The following C9orf72 variants were observed in gnomAD, a reference collection of about 807,000 sequenced individuals.
C9orf72 encodes guanine nucleotide exchange factor C9orf72.
In C9orf72, 44 loss-of-function variants were observed where a neutral mutation model predicts 51.6. That is an observed-to-expected ratio of 0.85 (90% CI 0.67 to 1.10). The LOEUF is 1.10. Among genes scored for constraint, C9orf72 ranks in the 50% least tolerant of loss-of-function variants. The pLI, the probability that C9orf72 is intolerant of heterozygous loss-of-function variation, is 0.00. For synonymous variants in C9orf72, 213 were observed against 194.2 expected (o/e 1.10, Z -0.81); for missense variants, 607 against 570.6 (o/e 1.06, Z -0.65).
Position 27,547,737 on chromosome 9 carries a change from T to G in C9orf72, c.*499A>C, listed in dbSNP as rs1820797838. Reference sequence around the variant, plus strand: ...GCTTGATCAATTTTCTTTCTAAAGCTCATCCTATGTTCAAGCTCACTTTCT... The same window carrying G: ...GCTTGATCAATTTTCTTTCTAAAGCGCATCCTATGTTCAAGCTCACTTTCT... On this transcript the variant is annotated 3_prime_UTR_variant, in exon 11 of 11. Coordinates refer to ENST00000380003, the MANE Select transcript of C9orf72 (RefSeq NM_018325.5). 6.6e-6 allele frequency: 1 copy of G among 152,660 alleles called. No homozygotes were observed. The highest frequency in any genetic ancestry group is 1.5e-5 in the Non-Finnish European group (1 of 68,062). The allele number at this position is 152,660 out of a possible 1,614,324, so 9.5% of individuals were successfully genotyped here.
chr9:27,549,841 G>A (rs545895460), intron 9 of C9orf72, among the ~76,000 whole-genome samples: 9 of 149,992 alleles, frequency 6.0e-5, no homozygotes, highest in South Asian at 2.1e-4. Context: ...GTTGTTTGAC[G>A]TATGGAATGC....
At chr9:27,560,878 G>T in intron 5 of C9orf72, 2 of 596,336 alleles carry the variant, frequency 3.4e-6, no homozygotes, top group Non-Finnish European at 4.2e-6. Context: ...GATAATACAT[G>T]TAAAGCAACT....
intron 4 of C9orf72, 76 bp downstream of exon 4, chr9:27,562,305 A>G: frequency 1.9e-6 from 1 of 517,924 alleles, no homozygotes; most frequent in Non-Finnish European, 3.1e-6. Context: ...TAAAATTAGA[A>G]TATTAATAAT....
chr9:27,558,648 A>G (rs749267596), intron 6 of C9orf72, 41 bp from the exon 7 acceptor site: 1 of 997,644 alleles, frequency 1.0e-6, no homozygotes, highest in South Asian at 1.4e-5. Flanking sequence ...ATGAAGTAAA[A>G]AGACCACTGA....
At chr9:27,568,759 A>G (rs1032209712) in intron 1 of C9orf72, among the ~76,000 whole-genome samples, 6 of 152,348 alleles carry the variant, frequency 3.9e-5, no homozygotes, top group Admixed American at 6.5e-5. Context: ...AACACTTGAT[A>G]ATAAACTACT....
intron 9 of C9orf72, among the ~76,000 whole-genome samples, chr9:27,549,361 G>C (rs1007204277): frequency 1.3e-5 from 2 of 152,100 alleles, no homozygotes; most frequent in Non-Finnish European, 2.9e-5. Context: ...ACTTTTGCAG[G>C]GGGTGGAGTG....
rs1004048029 is a variant in C9orf72, at chr9:27,573,420, T to C, written c.-45+11A>G. On this transcript the variant is annotated intron_variant, in intron 1 of 10. Transcript: ENST00000380003. ...AACAGCCACCCGCCAGGATGCCGCC[T>C]CCTCACTCACCCACTCGCCACCGCC... 1.9e-3 allele frequency: 290 copies of C among 151,098 alleles called. 1 individual carries two copies. The highest frequency in any genetic ancestry group is 3.5e-3 in the Non-Finnish European group (238 of 67,882). The allele number at this position is 151,098 out of a possible 1,614,324, so 9.4% of individuals were successfully genotyped here. A position where few individuals can be genotyped will look rare whatever the true frequency, so the allele number is the denominator to read the frequency against.
At chr9:27,556,070 A>G (rs1819188068) in intron 8 of C9orf72, among the ~76,000 whole-genome samples, 1 of 151,806 alleles carries the variant, frequency 6.6e-6, no homozygotes. Context: ...AAAAATAAGA[A>G]GTGAATAACA....
Sources: allele counts gnomAD v4.1 joint callset (sites outside exome capture counted in the v4.1 genomes callset), GRCh38; gene constraint gnomAD v4.1.1; transcripts MANE v1.5; gene names NCBI Gene and HGNC (gene_info 2026-07-23, HGNC 2026-07-21).